LGSN: variants seen among roughly 807,000 people sequenced by gnomAD.
LGSN encodes lengsin, lens protein with glutamine synthetase domain.
A neutral mutation model predicts 19.5 loss-of-function variants in LGSN; 21 were observed. That is an observed-to-expected ratio of 1.07 (90% confidence interval 0.76 to 1.55). LGSN has a LOEUF of 1.55. Among genes scored for constraint, LGSN ranks in the 40% most tolerant of loss-of-function variants. The probability of loss-of-function intolerance (pLI) is 0.00; values close to 1 mark genes in which losing one functional copy is unlikely to be tolerated. For synonymous variants in LGSN, 257 were observed against 215.6 expected, an observed-to-expected ratio of 1.19 and a Z score of -1.68; for missense variants, 673 against 608.5, an observed-to-expected ratio of 1.11 and a Z score of -1.12.
the LGSN span, among the ~76,000 whole-genome samples, chr6:63,343,645 A>G: frequency 6.6e-6 from 1 of 152,360 alleles, no homozygotes; most frequent in African/African-American, 2.4e-5. Context: ...TTACTGTGGT[A>G]GGCAGAATTC....
chr6:63,520,503 T>C, the LGSN span, among the ~76,000 whole-genome samples: 9 of 152,156 alleles, frequency 5.9e-5, no homozygotes, highest in South Asian at 2.1e-4. Flanking sequence ...GGCACATGCC[T>C]GTAATCCCAG....
chr6:63,326,895 G>C, the LGSN span, among the ~76,000 whole-genome samples: 1 of 152,210 alleles, frequency 6.6e-6, no homozygotes, highest in Non-Finnish European at 1.5e-5. Flanking sequence ...CCAGAAAGGG[G>C]CTCCCATAGT....
the LGSN span, among the ~76,000 whole-genome samples, chr6:63,380,012 T>C: frequency 8.5e-5 from 13 of 152,136 alleles, no homozygotes; most frequent in Admixed American, 3.9e-4. Flanking sequence ...TAATTTTTTG[T>C]ATTTTTAGTA....
the LGSN span, among the ~76,000 whole-genome samples, chr6:63,488,351 T>A: frequency 6.6e-6 from 1 of 152,192 alleles, no homozygotes; most frequent in African/African-American, 2.4e-5. Context: ...AAGGTCAGGC[T>A]GCTAGGTAAT....
chr6:63,549,464 G>T, the LGSN span: 1 of 792,626 alleles, frequency 1.3e-6, no homozygotes, highest in East Asian at 2.5e-5. Flanking sequence ...ACGACAGCAG[G>T]GCCGGAGCCA....
the LGSN span, among the ~76,000 whole-genome samples, chr6:63,449,356 C>T: frequency 6.6e-6 from 1 of 151,890 alleles, no homozygotes; most frequent in Non-Finnish European, 1.5e-5. Flanking sequence ...ACCATCAAGG[C>T]CAACGTGGTA....
the LGSN span, among the ~76,000 whole-genome samples, chr6:63,454,793 C>CTTTTTTTTTTTTTTT: frequency 3.9e-4 from 36 of 91,740 alleles, 3 homozygotes; most frequent in African/African-American, 8.9e-4. Flanking sequence ...TTTTCTTTTT[C>CTTTTTTTTTTTTTTT]TTTTTTTTTT....
At chr6:63,435,908 T>TAAAAAA in the LGSN span, among the ~76,000 whole-genome samples, 2 of 138,314 alleles carry the variant, frequency 1.4e-5, no homozygotes, top group African/African-American at 2.6e-5. Context: ...TCATCCAAAT[T>TAAAAAA]AAAAAAAAAA....
chr6:63,430,458 G>A, the LGSN span, among the ~76,000 whole-genome samples: 12 of 151,940 alleles, frequency 7.9e-5, no homozygotes, highest in African/African-American at 2.7e-4. Flanking sequence ...GTACAATCTT[G>A]GCTCACTGCA....
chr6:63,510,467 T>A, the LGSN span, among the ~76,000 whole-genome samples: 1 of 151,178 alleles, frequency 6.6e-6, no homozygotes, highest in Admixed American at 6.6e-5. Flanking sequence ...TTTTTTTTTT[T>A]TTTTAGTTTT....
chr6:63,446,769 G>T, the LGSN span, among the ~76,000 whole-genome samples: 1 of 152,196 alleles, frequency 6.6e-6, no homozygotes, highest in Non-Finnish European at 1.5e-5. Flanking sequence ...AGTAAGTACG[G>T]CCGGGAGCAG....
chr6:63,531,761 G>A, the LGSN span, among the ~76,000 whole-genome samples: 1 of 151,732 alleles, frequency 6.6e-6, no homozygotes, highest in African/African-American at 2.4e-5. Context: ...AAAGTGCTGT[G>A]ATTACAGGCA....
the LGSN span, among the ~76,000 whole-genome samples, chr6:63,453,364 A>T: frequency 2.6e-5 from 4 of 152,180 alleles, no homozygotes; most frequent in Non-Finnish European, 5.9e-5. Flanking sequence ...GTTACTAAAA[A>T]AAAGAGTTGA....
At chr6:63,492,478 T>C in the LGSN span, among the ~76,000 whole-genome samples, 81,555 of 152,178 alleles carry the variant, frequency 0.54, 23,688 homozygotes, top group African/African-American at 0.77. Context: ...CTAACTGTTG[T>C]TACATGTTTA....
At chr6:63,541,026 AAAGGAAGG>A in the LGSN span, among the ~76,000 whole-genome samples, 49 of 146,464 alleles carry the variant, frequency 3.3e-4, no homozygotes, top group Admixed American at 4.1e-4. Context: ...GGGAATGAAG[AAAGGAAGG>A]AAGGAAGGAA....
chr6:63,346,468 C>T, the LGSN span, among the ~76,000 whole-genome samples: 2 of 151,898 alleles, frequency 1.3e-5, no homozygotes, highest in Non-Finnish European at 2.9e-5. Context: ...AAACTCTGTA[C>T]CCCTTCCCCC....
chr6:63,311,012 C>G (rs1274864835), intron 1 of LGSN, among the ~76,000 whole-genome samples: 1 of 152,174 alleles, frequency 6.6e-6, no homozygotes, highest in Non-Finnish European at 1.5e-5. Flanking sequence ...CCTTGAGCAT[C>G]TCAAAAAACA....
chr6:63,297,231 T>C (rs1342515890), intron 1 of LGSN, among the ~76,000 whole-genome samples: 1 of 151,724 alleles, frequency 6.6e-6, no homozygotes, highest in Non-Finnish European at 1.5e-5. Flanking sequence ...TCCCAGCTGT[T>C]TGGGAGGCTG....
the LGSN span, among the ~76,000 whole-genome samples, chr6:63,486,820 T>TTTA: frequency 0.04 from 5,888 of 146,146 alleles, 172 homozygotes; most frequent in East Asian, 0.068. Flanking sequence ...GTATGTTTAT[T>TTTA]TTATTATTAT....
Sources: gnomAD v4.1 joint callset for allele counts (sites outside exome capture counted in the v4.1 genomes callset) on GRCh38, gnomAD v4.1.1 for gene constraint, MANE v1.5 for transcripts, NCBI Gene and HGNC (gene_info 2026-07-23, HGNC 2026-07-21) for gene names.